Variants in HMCN1 observed in about 807,000 individuals in gnomAD.
The protein encoded by HMCN1 is hemicentin 1, also known as hemicentin-1.
HMCN1 carries 321 observed loss-of-function variants against 625.9 expected under a neutral mutation model. That is an observed-to-expected ratio of 0.51 (90% CI 0.47 to 0.56). HMCN1 has a LOEUF of 0.56. HMCN1 is among the 20% of genes least tolerant of loss of function. HMCN1 has a pLI of 0.00. For synonymous variants in HMCN1, 2,425 were observed against 2,417.6 expected, an observed-to-expected ratio of 1.00 and a Z score of -0.09; for missense variants, 6,588 against 6,887.3, an observed-to-expected ratio of 0.96 and a Z score of 1.54.
intron 20 of HMCN1, among the ~76,000 whole-genome samples, chr1:185,989,060 T>G (rs1194609968): frequency 7.0e-6 from 1 of 142,728 alleles, no homozygotes. Context: ...CAGGCTGGAG[T>G]GCAGTGGCAC....
intron 94 of HMCN1, 90 bp downstream of exon 94, chr1:186,151,439 T>TA: frequency 1.5e-6 from 2 of 1,349,774 alleles, no homozygotes; most frequent in South Asian, 2.4e-5. Context: ...ATGCTACTAC[T>TA]AACTCATAAG....
chr1:186,086,114 C>T, intron 57 of HMCN1, 132 bp from the exon 58 acceptor site: 1 of 813,246 alleles, frequency 1.2e-6, no homozygotes, highest in Non-Finnish European at 2.0e-6. Context: ...AATTGTAAGA[C>T]AGACAGCTAG....
At chr1:185,939,740 ATG>A (rs1667992675) in intron 11 of HMCN1, among the ~76,000 whole-genome samples, 1 of 152,138 alleles carries the variant, frequency 6.6e-6, no homozygotes, top group Non-Finnish European at 1.5e-5. Flanking sequence ...GATATTGAGA[ATG>A]TGCCTTATCG....
At chr1:185,782,827 G>T (rs1557964622) in intron 1 of HMCN1, among the ~76,000 whole-genome samples, 1 of 152,080 alleles carries the variant, frequency 6.6e-6, no homozygotes, top group Non-Finnish European at 1.5e-5. Flanking sequence ...ATGTGTCTTG[G>T]AGTTGCTCTT....
intron 1 of HMCN1, among the ~76,000 whole-genome samples, chr1:185,784,510 C>G (rs771646851): frequency 3.4e-5 from 5 of 147,902 alleles, no homozygotes; most frequent in Non-Finnish European, 6.0e-5. Flanking sequence ...CCACTTTTCT[C>G]TTTTTTTTTT....
intron 4 of HMCN1, among the ~76,000 whole-genome samples, chr1:185,883,344 C>A (rs1664426541): frequency 6.6e-6 from 1 of 151,916 alleles, no homozygotes; most frequent in Non-Finnish European, 1.5e-5. Context: ...CTTATGTATT[C>A]CACTACAATT....
chr1:186,172,710 C>T (rs1259063060), intron 102 of HMCN1, among the ~76,000 whole-genome samples: 1 of 151,972 alleles, frequency 6.6e-6, no homozygotes, highest in Non-Finnish European at 1.5e-5. Context: ...GCAGGATTTA[C>T]AAAAATAAAA....
At position 186,067,892 on chromosome 1, in the gene HMCN1, C is replaced by T. The variant is rs775262183; in HGVS notation, c.7764C>T (p.Ile2588=). Residue 2588 remains isoleucine (I), a synonymous_variant, in exon 50 of 107, where the codon ATC becomes ATT. Transcript: ENST00000271588. The part of the protein sequence containing the change: ...SDGNPEDVTV[I]LNSPTSLVCE... ...GCAACCCTGAAGATGTCACTGTCAT[C>T]CTTAACAGCCCTACATCTTTGGTCT... is the stretch of plus-strand genomic sequence containing the variant. 1.2e-5 allele frequency: 19 copies of T among 1,612,418 alleles called. No homozygotes were observed. In the South Asian group the frequency reaches 2.1e-4, roughly 18 times the overall value.
At chr1:186,052,897 T>G in intron 42 of HMCN1, 55 bp from the exon 43 acceptor site, 1 of 1,419,944 alleles carries the variant, frequency 7.0e-7, no homozygotes, top group Non-Finnish European at 1.0e-6. Flanking sequence ...ATGTAAACTG[T>G]TATGAGAATT....
At chr1:185,889,782 G>C (rs955918509) in intron 4 of HMCN1, among the ~76,000 whole-genome samples, 1 of 140,640 alleles carries the variant, frequency 7.1e-6, no homozygotes, top group Non-Finnish European at 1.5e-5. Flanking sequence ...TTTTTTGGTT[G>C]TGTCTCTGCC....
rs567584858 is a variant in HMCN1 at position 185,953,144 on chromosome 1, G to A, written c.1829-9374G>A. On this transcript the variant is annotated intron_variant, in intron 11 of 106. Coordinates refer to ENST00000271588, the MANE Select transcript of HMCN1 (RefSeq NM_031935.3). The stretch of plus-strand genomic sequence containing the variant: ...AAGGGTGAAGGAGAAGGGGTTGAGG[G>A]GTACTGAGGGGTACTTGCCCCTCCC... Among the ~76,000 whole-genome samples, 165 of 151,108 alleles carry A rather than the reference G, an allele frequency of 1.1e-3. 6 individuals carry two copies. Among genetic ancestry groups the A allele is most frequent in the African/African-American group, 3.9e-3 (159 of 40,878 alleles).
chr1:185,942,302 A>G (rs978266812), intron 11 of HMCN1, among the ~76,000 whole-genome samples: 2 of 152,182 alleles, frequency 1.3e-5, no homozygotes, highest in Admixed American at 6.5e-5. Flanking sequence ...GGACATTTTA[A>G]TTTTCAGCAA....
chr1:185,852,174 C>T (rs1662202976), intron 2 of HMCN1, among the ~76,000 whole-genome samples: 1 of 151,826 alleles, frequency 6.6e-6, no homozygotes. Context: ...GAAATACCCT[C>T]AGATAGGCAA....
In HMCN1 at chr1:186,136,883, G is replaced by A. The variant is rs184207567; in HGVS notation, c.13528G>A (p.Val4510Ile). 5 of 1,614,038 alleles carry A rather than the reference G, an allele frequency of 3.1e-6. No individual in the cohort carries two copies. The African/African-American group carries it at 6.7e-5, about 22-fold the overall frequency. The change falls in exon 87 of 107, where the codon GTT becomes ATT. Residue 4510 changes from valine to isoleucine, a missense_variant. Coordinates refer to ENST00000271588, the MANE Select transcript of HMCN1 (RefSeq NM_031935.3). ...QKEDTSEFEC[V>I]ARNLMGSVLV... ...AGAAGATACCTCTGAATTTGAATGTGTTGCTCGAAACTTAATGGGTTCTGT... is the reference window on the plus strand; with the variant it reads ...AGAAGATACCTCTGAATTTGAATGTATTGCTCGAAACTTAATGGGTTCTGT...
chr1:186,126,862 T>A (rs138886868), intron 82 of HMCN1, among the ~76,000 whole-genome samples: 1 of 152,230 alleles, frequency 6.6e-6, no homozygotes, highest in African/African-American at 2.4e-5. Context: ...ATGCCTTAAA[T>A]TTTAAAGGGT....
chr1:186,000,792 A>T (rs1334653180), intron 26 of HMCN1, among the ~76,000 whole-genome samples: 1 of 151,600 alleles, frequency 6.6e-6, no homozygotes, highest in Non-Finnish European at 1.5e-5. Flanking sequence ...ATACACAACG[A>T]TTTATTTAAC....
chr1:185,924,262 GCT>G (rs1358215271), intron 8 of HMCN1, among the ~76,000 whole-genome samples: 2 of 108,842 alleles, frequency 1.8e-5, no homozygotes, highest in Non-Finnish European at 1.7e-5. Context: ...ACGGAGTCTC[GCT>G]CTGTTGCCCA....
intron 11 of HMCN1, among the ~76,000 whole-genome samples, chr1:185,944,558 C>G (rs1358794251): frequency 6.6e-6 from 1 of 152,094 alleles, no homozygotes; most frequent in Non-Finnish European, 1.5e-5. Context: ...ATTTTAATTC[C>G]CTACCACTCT....
intron 104 of HMCN1, among the ~76,000 whole-genome samples, chr1:186,179,201 GTATAACAACCAACATCC>G (rs1015894182): frequency 1.3e-5 from 2 of 152,110 alleles, no homozygotes; most frequent in African/African-American, 2.4e-5. Context: ...TGCTTGTTCT[GTATAACAACCAACATCC>G]CATTGACTGT....
Sources: allele counts gnomAD v4.1 joint callset (sites outside exome capture counted in the v4.1 genomes callset), GRCh38; gene constraint gnomAD v4.1.1; transcripts MANE v1.5; gene names NCBI Gene and HGNC (gene_info 2026-07-23, HGNC 2026-07-21).